Variants in DCP1A observed in about 807,000 individuals in gnomAD.
DCP1A encodes the protein mRNA-decapping enzyme 1A.
A neutral mutation model predicts 58.0 loss-of-function variants in DCP1A; 20 were observed. The observed-to-expected ratio is 0.34, with a 90% CI of 0.24 to 0.50. The LOEUF is 0.50. DCP1A is among the 20% of genes least tolerant of loss of function. DCP1A has a pLI of 0.98. For synonymous variants in DCP1A, 285 were observed against 275.1 expected (o/e 1.04, Z -0.36); for missense variants, 613 against 712.2 (o/e 0.86, Z 1.59).
intron 8 of DCP1A, chr3:53,290,497 C>T (rs750369517): frequency 4.5e-5 from 25 of 556,786 alleles, no homozygotes; most frequent in South Asian, 1.1e-4. Context: ...TCTGCCAGGA[C>T]GGGGTGGGAG....
chr3:53,324,046 T>G (rs1708045682), intron 3 of DCP1A, among the ~76,000 whole-genome samples: 1 of 152,164 alleles, frequency 6.6e-6, no homozygotes, highest in African/African-American at 2.4e-5. Context: ...TCAACTTATT[T>G]TGAAAAACCT....
At chr3:53,316,353 C>T (rs536503017) in intron 4 of DCP1A, among the ~76,000 whole-genome samples, 2 of 152,206 alleles carry the variant, frequency 1.3e-5, no homozygotes, top group African/African-American at 2.4e-5. Context: ...TTAATGGTAA[C>T]ATACAATATT....
At chr3:53,339,504 A>T (rs1553692322) in intron 3 of DCP1A, among the ~76,000 whole-genome samples, 1 of 152,242 alleles carries the variant, frequency 6.6e-6, no homozygotes, top group Non-Finnish European at 1.5e-5. Flanking sequence ...TGACATTTTA[A>T]TGCCGACCCC....
chr3:53,292,816 A>C lies in DCP1A; in HGVS notation c.636T>G (p.Ser212=), dbSNP rs1200622917. 1 of 1,604,984 alleles carries C rather than the reference A, an allele frequency of 6.2e-7. No individual in the cohort carries two copies. The highest frequency in any genetic ancestry group is 1.7e-5 in the Admixed American group (1 of 59,842). The change falls in exon 7 of 10, where the codon TCT becomes TCG. Residue 212 remains serine, a synonymous_variant. Transcript: ENST00000610213. ...PSGSQDKSAP[S]GHKHLTVEEL... is the part of the protein sequence containing the mutation. ...CTTCTACCGTCAGATGCTTGTGTCC[A>C]GATGGAGCAGACTGAAAAACAAATG...
intron 8 of DCP1A, among the ~76,000 whole-genome samples, chr3:53,288,770 T>C (rs1706742983): frequency 6.6e-6 from 1 of 152,134 alleles, no homozygotes; most frequent in Non-Finnish European, 1.5e-5. Context: ...GGCGCAGTGG[T>C]TCATGCCTAT....
At chr3:53,300,939 T>C (rs910603666) in intron 6 of DCP1A, among the ~76,000 whole-genome samples, 1 of 152,204 alleles carries the variant, frequency 6.6e-6, no homozygotes. Context: ...TGAGTCACCA[T>C]GCCTGACCTT....
At chr3:53,338,297 A>C (rs2089149279) in intron 3 of DCP1A, among the ~76,000 whole-genome samples, 1 of 152,172 alleles carries the variant, frequency 6.6e-6, no homozygotes, top group African/African-American at 2.4e-5. Context: ...CACTGTTCCC[A>C]AAAGATTCAA....
At chr3:53,335,088 T>G (rs1240361035) in intron 3 of DCP1A, among the ~76,000 whole-genome samples, 4 of 136,816 alleles carry the variant, frequency 2.9e-5, no homozygotes, top group East Asian at 2.0e-4. Context: ...TGTGTCTGGG[T>G]GTGTGTGTGT....
At chr3:53,347,071 C>T (rs2089300365) in intron 1 of DCP1A, among the ~76,000 whole-genome samples, 1 of 152,200 alleles carries the variant, frequency 6.6e-6, no homozygotes, top group South Asian at 2.1e-4. Flanking sequence ...GGTCTTATAA[C>T]TCCCAATGTA....
At chr3:53,318,535 A>AGG (rs1559695981) in intron 4 of DCP1A, among the ~76,000 whole-genome samples, 62 of 152,102 alleles carry the variant, frequency 4.1e-4, no homozygotes, top group African/African-American at 1.5e-3. Flanking sequence ...TCTACCTATT[A>AGG]TAGCATTTTG....
chr3:53,318,764 C>T (rs1559696080), intron 4 of DCP1A, among the ~76,000 whole-genome samples: 1 of 152,182 alleles, frequency 6.6e-6, no homozygotes, highest in African/African-American at 2.4e-5. Flanking sequence ...TGGAACACAA[C>T]CCATGAGTGG....
chr3:53,311,485 C>T (rs547138902), intron 5 of DCP1A, among the ~76,000 whole-genome samples: 26 of 152,226 alleles, frequency 1.7e-4, no homozygotes, highest in African/African-American at 5.8e-4. Flanking sequence ...GAAAGTACCA[C>T]AATTGCCATT....
chr3:53,339,614 A>G (rs1277215975), intron 3 of DCP1A, among the ~76,000 whole-genome samples: 3 of 152,202 alleles, frequency 2.0e-5, no homozygotes, highest in African/African-American at 7.2e-5. Flanking sequence ...CACGAACTAT[A>G]AAAATATTTC....
Position 53,292,761 on chromosome 3 carries a change from G to A in DCP1A, c.691C>T (p.Gln231Ter). The A allele has an allele frequency of 6.2e-7, 1 of 1,613,654 alleles. No homozygotes were observed. Among genetic ancestry groups the A allele is most frequent in the Non-Finnish European group, 8.5e-7 (1 of 1,179,896 alleles). The change falls in exon 7 of 10, where the codon CAA (glutamine) becomes TAA (stop). Residue 231 changes from glutamine (Q) to a stop codon, truncating the protein, a stop_gained. Coordinates refer to ENST00000610213, the MANE Select transcript of DCP1A (RefSeq NM_018403.7). LOFTEE classifies it high-confidence loss of function. ...ELFGTSLPKE[Q>*]PAVVGLDSEE... ...GAATCCAGACCCACAACTGCTGGTTGTTCCTTTGGCAAAGAGGTTCCAAAT... is the reference window on the plus strand; with the variant it reads ...GAATCCAGACCCACAACTGCTGGTTATTCCTTTGGCAAAGAGGTTCCAAAT...
At chr3:53,320,363 A>G (rs151244398) in intron 3 of DCP1A, among the ~76,000 whole-genome samples, 7 of 135,890 alleles carry the variant, frequency 5.2e-5, no homozygotes, top group Admixed American at 4.8e-4. Flanking sequence ...TAAAGCTACT[A>G]TAACTGCTTT....
intron 4 of DCP1A, among the ~76,000 whole-genome samples, chr3:53,318,150 A>C (rs557031230): frequency 2.6e-5 from 4 of 152,146 alleles, no homozygotes; most frequent in African/African-American, 9.6e-5. Flanking sequence ...CCCACCCCCC[A>C]AAAAATTAGC....
intron 3 of DCP1A, among the ~76,000 whole-genome samples, chr3:53,324,833 C>T (rs1283489135): frequency 2.0e-5 from 3 of 150,720 alleles, no homozygotes; most frequent in Non-Finnish European, 4.4e-5. Flanking sequence ...CCAGCCTGGG[C>T]AACACAGTGG....
intron 8 of DCP1A, among the ~76,000 whole-genome samples, chr3:53,289,549 T>C (rs1271888021): frequency 1.3e-5 from 2 of 151,100 alleles, no homozygotes; most frequent in Non-Finnish European, 1.5e-5. Flanking sequence ...AAGGTGGGGG[T>C]TGCAGTGAGC....
chr3:53,288,575 A>C (rs937990958), intron 8 of DCP1A, among the ~76,000 whole-genome samples: 2 of 152,236 alleles, frequency 1.3e-5, no homozygotes, highest in African/African-American at 4.8e-5. Flanking sequence ...TAGAATGCAC[A>C]GTAAGAAAAA....
Sources: allele counts gnomAD v4.1 joint callset (sites outside exome capture counted in the v4.1 genomes callset), GRCh38; gene constraint gnomAD v4.1.1; transcripts MANE v1.5; gene names NCBI Gene and HGNC (gene_info 2026-07-23, HGNC 2026-07-21).